The following STX8 variants were observed in gnomAD, a reference collection of about 807,000 sequenced individuals.
The protein encoded by STX8 is syntaxin 8.
In STX8, 23 loss-of-function variants were observed where a neutral mutation model predicts 37.5. The observed-to-expected ratio is 0.61, with a 90% CI of 0.44 to 0.87. The LOEUF (loss-of-function observed/expected upper bound fraction) is 0.87. STX8 is among the 40% of genes least tolerant of loss of function. STX8 has a pLI of 0.00. For missense variants in STX8, 313 were observed against 284.7 expected, an observed-to-expected ratio of 1.10 and a Z score of -0.71; for synonymous variants, 115 against 99.1, an observed-to-expected ratio of 1.16 and a Z score of -0.95.
intron 6 of STX8, among the ~76,000 whole-genome samples, chr17:9,379,173 A>C (rs1911704901): frequency 6.7e-6 from 1 of 148,514 alleles, no homozygotes; most frequent in Admixed American, 6.9e-5. Context: ...TGAACCCGGG[A>C]GGCAGAGGTT....
At chr17:9,462,460 G>A (rs941453107) in intron 6 of STX8, among the ~76,000 whole-genome samples, 1 of 152,136 alleles carries the variant, frequency 6.6e-6, no homozygotes, top group Non-Finnish European at 1.5e-5. Context: ...AGTGGCTCAC[G>A]CTTGTAATCC....
chr17:9,305,942 A>G (rs529467160), intron 7 of STX8, among the ~76,000 whole-genome samples: 1 of 151,270 alleles, frequency 6.6e-6, no homozygotes, highest in Non-Finnish European at 1.5e-5. Context: ...ACGGGGTTTC[A>G]CCATGTTGGT....
chr17:9,301,538 A>G (rs1438691924), intron 7 of STX8, among the ~76,000 whole-genome samples: 3 of 151,768 alleles, frequency 2.0e-5, no homozygotes, highest in South Asian at 2.1e-4. Flanking sequence ...GCTGGAGTGC[A>G]GTGGCGCGAT....
At chr17:9,282,050 TC>T (rs1473709770) in intron 7 of STX8, among the ~76,000 whole-genome samples, 1 of 152,166 alleles carries the variant, frequency 6.6e-6, no homozygotes, top group Non-Finnish European at 1.5e-5. Context: ...CTTCTCCATT[TC>T]CCCCCTCTAT....
intron 7 of STX8, among the ~76,000 whole-genome samples, chr17:9,269,159 C>G (rs1020571066): frequency 2.0e-5 from 3 of 150,222 alleles, no homozygotes; most frequent in Non-Finnish European, 4.4e-5. Context: ...TGCACTCCAG[C>G]CTGGGCGATA....
intron 5 of STX8, among the ~76,000 whole-genome samples, chr17:9,504,449 C>A (rs966421185): frequency 1.3e-5 from 2 of 151,778 alleles, no homozygotes; most frequent in African/African-American, 4.8e-5. Flanking sequence ...GACTAATTCC[C>A]AGTCGTGAAG....
chr17:9,356,799 T>C (rs1567796044), intron 7 of STX8, among the ~76,000 whole-genome samples: 1 of 152,178 alleles, frequency 6.6e-6, no homozygotes, highest in East Asian at 1.9e-4. Context: ...GTCCTAGGCA[T>C]CTCTAGCACT....
intron 6 of STX8, among the ~76,000 whole-genome samples, chr17:9,413,628 A>G (rs976650935): frequency 3.3e-5 from 5 of 152,142 alleles, no homozygotes; most frequent in Admixed American, 6.5e-5. Flanking sequence ...ACAAGCTTCA[A>G]TCCTTGAGAA....
intron 6 of STX8, among the ~76,000 whole-genome samples, chr17:9,429,667 C>A (rs1271249487): frequency 8.1e-6 from 1 of 123,168 alleles, no homozygotes; most frequent in Non-Finnish European, 1.6e-5. Context: ...CGCGTCACTG[C>A]ACTCCAGCCT....
At chr17:9,477,084 C>G (rs1019212493) in intron 6 of STX8, among the ~76,000 whole-genome samples, 1 of 152,074 alleles carries the variant, frequency 6.6e-6, no homozygotes, top group African/African-American at 2.4e-5. Context: ...TCTCAAACTC[C>G]TGGGCCTAAG....
intron 6 of STX8, among the ~76,000 whole-genome samples, chr17:9,442,771 C>G (rs1904713994): frequency 6.6e-6 from 1 of 151,992 alleles, no homozygotes; most frequent in African/African-American, 2.4e-5. Context: ...AGTGGAGGTC[C>G]CAAATTACAG....
At chr17:9,333,609 T>C (rs1359346243) in intron 7 of STX8, among the ~76,000 whole-genome samples, 1 of 152,194 alleles carries the variant, frequency 6.6e-6, no homozygotes, top group East Asian at 1.9e-4. Context: ...CAGGATGGTC[T>C]GGATCTCCTG....
intron 4 of STX8, among the ~76,000 whole-genome samples, chr17:9,543,599 C>A (rs756235496): frequency 7.2e-5 from 11 of 152,134 alleles, no homozygotes; most frequent in Non-Finnish European, 1.5e-4. Context: ...GCCACTGCAC[C>A]CAGGCGACAG....
At position 9,345,692 on chromosome 17, in the gene STX8, C is replaced by CT. The variant is rs56831788; in HGVS notation, c.643+32859dup. On this transcript the variant is annotated intron_variant, in intron 7 of 7. Transcript: ENST00000306357. The stretch of plus-strand genomic sequence containing the variant: ...GTTAACATATCCCTTATCTCACATA[C>CT]TTTTTTTTTTTTTTTGTAGTGACAA... 2.5e-3 allele frequency among the ~76,000 whole-genome samples: 350 copies of CT among 139,854 alleles called. 1 individual carries two copies. Among genetic ancestry groups the CT allele is most frequent in the African/African-American group, 8.3e-3 (322 of 38,910 alleles). The allele number at this position is 139,854 out of a possible 152,430, so 91.7% of individuals were successfully genotyped here. A position where few individuals can be genotyped will look rare whatever the true frequency, so the allele number is the denominator to read the frequency against.
chr17:9,401,977 G>T (rs1195842608), intron 6 of STX8, among the ~76,000 whole-genome samples: 2 of 152,170 alleles, frequency 1.3e-5, no homozygotes, highest in East Asian at 3.8e-4. Context: ...GTGAAGGGAA[G>T]AGCTCTGTAC....
intron 7 of STX8, among the ~76,000 whole-genome samples, chr17:9,360,227 CTTTTTTTTT>C (rs58213453): frequency 1.4e-5 from 1 of 72,610 alleles, no homozygotes; most frequent in Non-Finnish European, 2.5e-5. Context: ...AATTAACCGT[CTTTTTTTTT>C]TTTTTTTTTT....
chr17:9,573,387 TTGA>T (rs896942720), intron 1 of STX8, among the ~76,000 whole-genome samples: 22 of 152,214 alleles, frequency 1.4e-4, no homozygotes, highest in African/African-American at 4.8e-4. Context: ...TTCGTTTCTA[TTGA>T]TAATAACTCA....
intron 7 of STX8, among the ~76,000 whole-genome samples, chr17:9,323,449 A>C (rs975483311): frequency 1.6e-4 from 25 of 152,236 alleles, no homozygotes; most frequent in Non-Finnish European, 1.5e-4. Flanking sequence ...TAAACCACAA[A>C]TATTCTTAAA....
At chr17:9,397,966 G>A (rs1299560347) in intron 6 of STX8, among the ~76,000 whole-genome samples, 6 of 146,428 alleles carry the variant, frequency 4.1e-5, no homozygotes, top group Non-Finnish European at 8.9e-5. Flanking sequence ...CCAGCCTGGG[G>A]GACAGAGTGA....
Sources: allele counts gnomAD v4.1 joint callset (sites outside exome capture counted in the v4.1 genomes callset), GRCh38; gene constraint gnomAD v4.1.1; transcripts MANE v1.5; gene names NCBI Gene and HGNC (gene_info 2026-07-23, HGNC 2026-07-21).